Variants in DISP3 observed in about 807,000 individuals in gnomAD.
DISP3 encodes the protein dispatched RND transporter family member 3.
Under a neutral mutation model 135.3 loss-of-function variants are expected in DISP3, and 101 were observed. That is an observed-to-expected ratio of 0.75 (90% confidence interval 0.64 to 0.88). DISP3 has a LOEUF of 0.88. Among genes scored for constraint, DISP3 ranks in the 40% least tolerant of loss-of-function variants. The pLI, the probability that DISP3 is intolerant of heterozygous loss-of-function variation, is 0.00. For missense variants in DISP3, 1,713 were observed against 1,878.6 expected (o/e 0.91, Z 1.63); for synonymous variants, 856 against 817.0 (o/e 1.05, Z -0.81).
In DISP3 at chr1:11,519,202, G is replaced by C. The variant is rs1175514646; in HGVS notation, c.1890-153G>C. Among the ~76,000 whole-genome samples, 1 of 151,834 alleles carries C rather than the reference G, an allele frequency of 6.6e-6. No homozygotes were observed. Among genetic ancestry groups the C allele is most frequent in the African/African-American group, 2.4e-5 (1 of 41,310 alleles). The stretch of plus-strand genomic sequence containing the variant: ...GTAGATGGTACTAGAAAGAAACCAG[G>C]TGACCAGCTCCCAGAAGTCTGGGGT... On this transcript the variant is annotated intron_variant, in intron 7 of 20. Transcript: ENST00000294484. The surrounding 1 kb of genome is among the most constrained non-coding windows in gnomAD (Gnocchi z 4.3).
At position 11,502,038 on chromosome 1, in the gene DISP3, G is replaced by A; in HGVS notation, c.1046G>A (p.Gly349Asp). The change falls in exon 2 of 21, where the codon GGC becomes GAC. Residue 349 changes from glycine to aspartate, a missense_variant. Physicochemically the swap from Gly to Asp is moderately conservative, Grantham distance 94. Around this residue, in one of 2 missense-constraint regions of DISP3, gnomAD observed 571 missense variants for 494.1 expected, o/e 1.16. Transcript: ENST00000294484. ...ACCTACTTTTTTCCCACCGAGAGGG[G>A]CGGCAAGATCTACTATGACGGCATG... is the stretch of plus-strand genomic sequence containing the variant. ...LMTYFFPTER[G>D]GKIYYDGMGQ... The A allele has an allele frequency of 3.1e-6, 5 of 1,602,794 alleles. No homozygotes were observed. Among genetic ancestry groups the A allele is most frequent in the Non-Finnish European group, 4.3e-6 (5 of 1,174,414 alleles).
chr1:11,505,517 C>T (rs1231803650), intron 3 of DISP3, among the ~76,000 whole-genome samples: 3 of 152,194 alleles, frequency 2.0e-5, no homozygotes, highest in African/African-American at 4.8e-5. Flanking sequence ...TCTGTTTTCT[C>T]CCATTAGAGC....
At chr1:11,490,388 C>T (rs1448153020) in intron 1 of DISP3, among the ~76,000 whole-genome samples, 1 of 152,202 alleles carries the variant, frequency 6.6e-6, no homozygotes, top group African/African-American at 2.4e-5. Context: ...CTGCCTCAGC[C>T]TCCCAAGTAG....
chr1:11,487,064 T>C (rs549507494), intron 1 of DISP3, among the ~76,000 whole-genome samples: 1 of 152,302 alleles, frequency 6.6e-6, no homozygotes, highest in Non-Finnish European at 1.5e-5. Flanking sequence ...AATGAATTGG[T>C]AAATGTATGA....
In DISP3 at chr1:11,516,687, G is replaced by T. The variant is rs1219110409; in HGVS notation, c.1749+526G>T. On this transcript the variant is annotated intron_variant, in intron 6 of 20. Transcript: ENST00000294484. This position sits in a 1 kb window ranked among gnomAD's most constrained non-coding sequence, Gnocchi z 5.1. ...AGGAGAAGGCATTGAGCCCAGGCTG[G>T]GTCCTTGGTACAGAAAGACAGTGAA... 1.3e-5 allele frequency among the ~76,000 whole-genome samples: 2 copies of T among 152,152 alleles called. No homozygotes were observed. Among genetic ancestry groups the T allele is most frequent in the African/African-American group, 4.8e-5 (2 of 41,424 alleles).
intron 1 of DISP3, chr1:11,481,750 G>C (rs1420632190): frequency 6.6e-6 from 1 of 152,198 alleles, no homozygotes. Flanking sequence ...TGAGTCTCTT[G>C]AGTGTGGGTG....
Position 11,520,589 on chromosome 1 carries a change from C to A in DISP3, c.2201-98C>A. 7.1e-7 allele frequency: 1 copy of A among 1,411,004 alleles called. No individual in the cohort carries two copies. Among genetic ancestry groups the A allele is most frequent in the East Asian group, 2.3e-5 (1 of 42,916 alleles). The allele number at this position is 1,411,004 out of a possible 1,614,324, so 87.4% of individuals were successfully genotyped here. Reference sequence around the variant, plus strand: ...CCCGCACCCTTAGGACACCCGCCCCCCAACAACCAGAGCAGTTGTCTCCCG... The same window carrying A: ...CCCGCACCCTTAGGACACCCGCCCCACAACAACCAGAGCAGTTGTCTCCCG... On this transcript the variant is annotated intron_variant, in intron 9 of 20. Coordinates refer to ENST00000294484, the MANE Select transcript of DISP3 (RefSeq NM_020780.2). This position sits in a 1 kb window ranked among gnomAD's most constrained non-coding sequence, Gnocchi z 4.8.
chr1:11,503,811 G>A (rs182406618), intron 3 of DISP3, among the ~76,000 whole-genome samples: 11 of 152,322 alleles, frequency 7.2e-5, no homozygotes, highest in Admixed American at 6.5e-4. Context: ...GGCAAGTCAC[G>A]TCACTTCTCT....
At position 11,536,692 on chromosome 1, in the gene DISP3, G is replaced by A. The variant is rs1462816018; in HGVS notation, c.*6G>A. The A allele has an allele frequency of 6.5e-7, 1 of 1,545,450 alleles. No individual in the cohort carries two copies. The highest frequency in any genetic ancestry group is 8.7e-7 in the Non-Finnish European group (1 of 1,147,126). ...CCGCAGGGGCCTCCCTATAGCCCGG[G>A]ACGGGCTCTGGACACTTGCACCTTT... On this transcript the variant is annotated 3_prime_UTR_variant, in exon 21 of 21. Transcript: ENST00000294484. This position sits in a 1 kb window ranked among gnomAD's most constrained non-coding sequence, Gnocchi z 4.3.
rs375489247 is a variant in DISP3, at chr1:11,519,598, G to T, written c.2038+95G>T. On this transcript the variant is annotated intron_variant, in intron 8 of 20. Transcript: ENST00000294484. The surrounding 1 kb of genome is among the most constrained non-coding windows in gnomAD (Gnocchi z 4.3). ...CACTTGACAAGTTGGTCCTGAGGCT[G>T]GGGGCCGGACAAGATGGCCTGTGGG... is the stretch of plus-strand genomic sequence containing the variant. 1.9e-6 allele frequency: 3 copies of T among 1,572,586 alleles called. No homozygotes were observed. The highest frequency in any genetic ancestry group is 1.7e-5 in the Admixed American group (1 of 58,212).
chr1:11,494,646 C>T lies in DISP3; in HGVS notation c.-3-6344C>T, dbSNP rs114275647. ...ATTTTGAGCTTCTGCCCAAAACTCT[C>T]GACCCAAGGGTAAGAGAATCAAAGA... is the stretch of plus-strand genomic sequence containing the variant. On this transcript the variant is annotated intron_variant, in intron 1 of 20. Coordinates refer to ENST00000294484, the MANE Select transcript of DISP3 (RefSeq NM_020780.2). 2.8e-3 allele frequency among the ~76,000 whole-genome samples: 429 copies of T among 152,260 alleles called. 1 individual carries two copies. Among genetic ancestry groups the T allele is most frequent in the African/African-American group, 9.5e-3 (393 of 41,534 alleles).
rs537988229 is a variant in DISP3 at position 11,520,271 on chromosome 1, G to C, written c.2200+391G>C. On this transcript the variant is annotated intron_variant, in intron 9 of 20. Transcript: ENST00000294484. This position sits in a 1 kb window ranked among gnomAD's most constrained non-coding sequence, Gnocchi z 4.8. Reference sequence around the variant, plus strand: ...GGCTAGGAAGGCAGCTGTCAGTGGAGAGTATGTATAAAGACCTCAGCCCAG... The same window carrying C: ...GGCTAGGAAGGCAGCTGTCAGTGGACAGTATGTATAAAGACCTCAGCCCAG... Among the ~76,000 whole-genome samples, 7 of 152,338 alleles carry C rather than the reference G, an allele frequency of 4.6e-5. No homozygotes were observed. The highest frequency in any genetic ancestry group is 2.1e-4 in the South Asian group (1 of 4,828).
intron 3 of DISP3, among the ~76,000 whole-genome samples, chr1:11,514,076 A>G (rs1040936264): frequency 1.8e-4 from 27 of 152,220 alleles, no homozygotes; most frequent in African/African-American, 6.5e-4. Flanking sequence ...GGAAGATGAC[A>G]TAGAAGCTGA....
At chr1:11,506,494 A>G (rs1247428249) in intron 3 of DISP3, among the ~76,000 whole-genome samples, 2 of 149,224 alleles carry the variant, frequency 1.3e-5, no homozygotes, top group Non-Finnish European at 3.0e-5. Flanking sequence ...CCTGCTTTCT[A>G]TTTGTTGTCT....
chr1:11,501,464 C>A lies in DISP3; in HGVS notation c.472C>A (p.Gln158Lys). Reference sequence around the variant, plus strand: ...GCGCCTTATCTCAGAGCAGCTGCAGCAGCTGCATCTCGGCAACCGCTCGCG... The same window carrying A: ...GCGCCTTATCTCAGAGCAGCTGCAGAAGCTGCATCTCGGCAACCGCTCGCG... ...LQRLISEQLQQLHLGNRSRQA... is the reference protein window; with the variant it reads ...LQRLISEQLQKLHLGNRSRQA... The change falls in exon 2 of 21, where the codon CAG becomes AAG. Residue 158 changes from glutamine (Q) to lysine (K), a missense_variant. By Grantham distance (53) the Gln-to-Lys change is moderately conservative. Around this residue, in one of 2 missense-constraint regions of DISP3, gnomAD observed 571 missense variants for 494.1 expected, o/e 1.16. Transcript: ENST00000294484. The surrounding 1 kb of genome is among the most constrained non-coding windows in gnomAD (Gnocchi z 4.9). The A allele has an allele frequency of 6.2e-7, 1 of 1,603,808 alleles. No individual in the cohort carries two copies. The highest frequency in any genetic ancestry group is 1.1e-5 in the South Asian group (1 of 90,110).
At position 11,530,946 on chromosome 1, in the gene DISP3, G is replaced by A. The variant is rs1201071534; in HGVS notation, c.3142G>A (p.Glu1048Lys). ...CGACAGCAGCTTTGACCTCTTCAAG[G>A]AAATTGGGCACCTGTGTCACCTCTG... The part of the protein sequence containing the change: ...VYDSSFDLFK[E>K]IGHLCHLCKA... Residue 1048 changes from glutamate (E) to lysine (K), a missense_variant, in exon 16 of 21, where the codon GAA becomes AAA. Glu to Lys is a moderately conservative substitution (Grantham distance 56). Transcript: ENST00000294484. 3 of 1,613,956 alleles carry A rather than the reference G, an allele frequency of 1.9e-6. No homozygotes were observed. The highest frequency in any genetic ancestry group is 2.2e-5 in the East Asian group (1 of 44,866).
chr1:11,494,895 A>G (rs1230434298), intron 1 of DISP3, among the ~76,000 whole-genome samples: 2 of 151,932 alleles, frequency 1.3e-5, no homozygotes, highest in African/African-American at 4.8e-5. Flanking sequence ...CAGAGGAGGG[A>G]AGTTATAAAC....
In DISP3 at chr1:11,536,245, G is replaced by C. The variant is rs1642702795; in HGVS notation, c.3817-79G>C. The C allele has an allele frequency of 9.9e-6, 15 of 1,511,872 alleles. No homozygotes were observed. The highest frequency in any genetic ancestry group is 8.8e-7 in the Non-Finnish European group (1 of 1,135,744). The allele number at this position is 1,511,872 out of a possible 1,614,324, so 93.7% of individuals were successfully genotyped here. On this transcript the variant is annotated intron_variant, in intron 20 of 20. Transcript: ENST00000294484. The surrounding 1 kb of genome is among the most constrained non-coding windows in gnomAD (Gnocchi z 4.3). ...ACAGAGCAGGAACCTGGCGTGGGGT[G>C]GGGGTGCGTGATTCCCCAGGTGCTG...
chr1:11,522,035 A>C (rs1642210959), intron 10 of DISP3, among the ~76,000 whole-genome samples: 1 of 152,072 alleles, frequency 6.6e-6, no homozygotes, highest in Non-Finnish European at 1.5e-5. Context: ...AGAGGTTTTT[A>C]GGAGGTGGTT....
Sources: allele counts gnomAD v4.1 joint callset (sites outside exome capture counted in the v4.1 genomes callset), GRCh38; gene constraint gnomAD v4.1.1; regional missense constraint gnomAD v4.1.1; non-coding constraint Gnocchi (gnomAD v3.1); transcripts MANE v1.5; gene names NCBI Gene and HGNC (gene_info 2026-07-23, HGNC 2026-07-21).